ST6GALNAC5: variants seen among roughly 807,000 people sequenced by gnomAD.
ST6GALNAC5 encodes the protein alpha-N-acetylgalactosaminide alpha-2,6-sialyltransferase 5.
In ST6GALNAC5, 27 loss-of-function variants were observed where a neutral mutation model predicts 33.6. The ratio of observed to expected loss-of-function variants is 0.80; its 90% CI spans 0.59 to 1.11. The LOEUF is 1.11. Ranked by LOEUF, ST6GALNAC5 falls within the 50% of genes least tolerant of loss-of-function variation. The pLI is 0.00. For missense variants in ST6GALNAC5, 428 were observed against 454.0 expected, an observed-to-expected ratio of 0.94 and a Z score of 0.52; for synonymous variants, 194 against 171.2, an observed-to-expected ratio of 1.13 and a Z score of -1.04.
At chr1:76,953,128 A>G (rs1301093583) in intron 2 of ST6GALNAC5, among the ~76,000 whole-genome samples, 3 of 152,078 alleles carry the variant, frequency 2.0e-5, no homozygotes, top group Non-Finnish European at 2.9e-5. Flanking sequence ...GCTGTTATGG[A>G]TAGAGCTGCC....
chr1:76,868,054 A>G lies in ST6GALNAC5; in HGVS notation c.15+364A>G, dbSNP rs770303188. Among the ~76,000 whole-genome samples, 11 of 152,166 alleles carry G rather than the reference A, an allele frequency of 7.2e-5. No homozygotes were observed. The highest frequency in any genetic ancestry group is 1.6e-4 in the Non-Finnish European group (11 of 68,022). On this transcript the variant is annotated intron_variant, in intron 1 of 4. Coordinates refer to ENST00000477717, the MANE Select transcript of ST6GALNAC5 (RefSeq NM_030965.3). This position sits in a 1 kb window ranked among gnomAD's most constrained non-coding sequence, Gnocchi z 4.3. ...AGGGACGGGGAGGGGGGACCTTTGCAGACTTTCTTCGTTTTCTTAGATTTC... is the reference window on the plus strand; with the variant it reads ...AGGGACGGGGAGGGGGGACCTTTGCGGACTTTCTTCGTTTTCTTAGATTTC...
intron 2 of ST6GALNAC5, among the ~76,000 whole-genome samples, chr1:76,898,746 G>A (rs1358865737): frequency 3.9e-5 from 6 of 152,164 alleles, no homozygotes; most frequent in East Asian, 1.9e-4. Context: ...GGCTAGTCAC[G>A]GAATGAAACT....
At chr1:77,034,460 G>A (rs1379159228) in intron 2 of ST6GALNAC5, among the ~76,000 whole-genome samples, 1 of 152,048 alleles carries the variant, frequency 6.6e-6, no homozygotes, top group African/African-American at 2.4e-5. Flanking sequence ...ATATTCACAG[G>A]TACCAGAGAG....
chr1:76,937,299 A>C (rs1647219278), intron 2 of ST6GALNAC5, among the ~76,000 whole-genome samples: 1 of 152,030 alleles, frequency 6.6e-6, no homozygotes, highest in African/African-American at 2.4e-5. Context: ...GTTTTGCAAA[A>C]TCACACAGTA....
At chr1:76,991,938 A>G (rs1348836208) in intron 2 of ST6GALNAC5, among the ~76,000 whole-genome samples, 1 of 152,228 alleles carries the variant, frequency 6.6e-6, no homozygotes, top group Non-Finnish European at 1.5e-5. Context: ...TTCTAACAAA[A>G]ATAGATAAAT....
At position 77,044,530 on chromosome 1, in the gene ST6GALNAC5, G is replaced by A. The variant is rs760275123; in HGVS notation, c.588G>A (p.Leu196=). 1 of 1,610,216 alleles carries A rather than the reference G, an allele frequency of 6.2e-7. No individual in the cohort carries two copies. Among genetic ancestry groups the A allele is most frequent in the Admixed American group, 1.7e-5 (1 of 59,780 alleles). The change falls in exon 3 of 5, where the codon CTG becomes CTA. Residue 196 remains leucine, a synonymous_variant. Coordinates refer to ENST00000477717, the MANE Select transcript of ST6GALNAC5 (RefSeq NM_030965.3). ...YNNLHLLSQV[L]PRLKAFMITR... The stretch of plus-strand genomic sequence containing the variant: ...ACCTGCATCTCCTGAGCCAGGTGCT[G>A]CCCCGGCTGAAGGCCTTCATGATTA...
At chr1:76,901,280 A>G (rs999157552) in intron 2 of ST6GALNAC5, among the ~76,000 whole-genome samples, 4 of 152,208 alleles carry the variant, frequency 2.6e-5, no homozygotes, top group African/African-American at 9.7e-5. Flanking sequence ...CTTACTGTAC[A>G]TCACAACATG....
At chr1:76,975,675 T>A (rs1648980868) in intron 2 of ST6GALNAC5, among the ~76,000 whole-genome samples, 1 of 152,274 alleles carries the variant, frequency 6.6e-6, no homozygotes, top group South Asian at 2.1e-4. Context: ...CACAAAAGAA[T>A]ATGTACTGTG....
At chr1:77,060,111 A>C (rs1202850933) in intron 4 of ST6GALNAC5, 2 of 152,114 alleles carry the variant, frequency 1.3e-5, no homozygotes, top group African/African-American at 4.8e-5. Flanking sequence ...TAAAAAGAAA[A>C]AAAAATTCTT....
chr1:77,061,881 T>A (rs916461747), intron 4 of ST6GALNAC5, among the ~76,000 whole-genome samples: 3 of 152,114 alleles, frequency 2.0e-5, no homozygotes, highest in Admixed American at 2.0e-4. Context: ...AGAAAAACAC[T>A]CGGAGACTCT....
At chr1:76,902,234 T>C (rs56004949) in intron 2 of ST6GALNAC5, among the ~76,000 whole-genome samples, 8,465 of 152,044 alleles carry the variant, frequency 0.056, 615 homozygotes, top group African/African-American at 0.17. Context: ...TTGAAATAAA[T>C]GATCTGAAAA....
intron 2 of ST6GALNAC5, among the ~76,000 whole-genome samples, chr1:76,914,548 C>T (rs1243506947): frequency 1.3e-5 from 2 of 152,152 alleles, no homozygotes; most frequent in Admixed American, 6.6e-5. Flanking sequence ...ATATCTACAA[C>T]TATCTGATCT....
At chr1:76,969,635 A>G (rs747465062) in intron 2 of ST6GALNAC5, among the ~76,000 whole-genome samples, 2 of 152,198 alleles carry the variant, frequency 1.3e-5, no homozygotes, top group Non-Finnish European at 2.9e-5. Context: ...ACTTCTGCAG[A>G]CTTAAACGTC....
At chr1:76,943,863 T>C (rs1313131925) in intron 2 of ST6GALNAC5, among the ~76,000 whole-genome samples, 1 of 152,138 alleles carries the variant, frequency 6.6e-6, no homozygotes, top group African/African-American at 2.4e-5. Context: ...TGAAGACACA[T>C]TAGCAACTAA....
At chr1:76,944,366 G>A (rs1030275619) in intron 2 of ST6GALNAC5, among the ~76,000 whole-genome samples, 41 of 152,082 alleles carry the variant, frequency 2.7e-4, no homozygotes, top group African/African-American at 8.7e-4. Flanking sequence ...AGAAAGTTCT[G>A]TTTGTAAAGG....
At chr1:76,931,893 A>G (rs1431408998) in intron 2 of ST6GALNAC5, among the ~76,000 whole-genome samples, 4 of 152,138 alleles carry the variant, frequency 2.6e-5, no homozygotes, top group Admixed American at 1.3e-4. Flanking sequence ...AGAATCAGCA[A>G]AAGAAAAAAC....
intron 2 of ST6GALNAC5, among the ~76,000 whole-genome samples, chr1:76,906,764 G>T (rs1486035054): frequency 2.6e-5 from 4 of 152,020 alleles, no homozygotes; most frequent in Non-Finnish European, 5.9e-5. Context: ...TCAACTCCGG[G>T]TCTCCCTCCT....
At chr1:76,898,787 T>C (rs1460938321) in intron 2 of ST6GALNAC5, among the ~76,000 whole-genome samples, 1 of 152,084 alleles carries the variant, frequency 6.6e-6, no homozygotes, top group African/African-American at 2.4e-5. Flanking sequence ...GGAGGGGAGT[T>C]GATAAAAAGA....
At chr1:76,980,983 T>G (rs1285485617) in intron 2 of ST6GALNAC5, among the ~76,000 whole-genome samples, 1 of 152,176 alleles carries the variant, frequency 6.6e-6, no homozygotes, top group Non-Finnish European at 1.5e-5. Context: ...GATAAGGGAC[T>G]TGTATTTAAA....
Sources: allele counts gnomAD v4.1 joint callset (sites outside exome capture counted in the v4.1 genomes callset), GRCh38; gene constraint gnomAD v4.1.1; non-coding constraint Gnocchi (gnomAD v3.1); transcripts MANE v1.5; gene names NCBI Gene and HGNC (gene_info 2026-07-23, HGNC 2026-07-21).